Variants in AMZ2 observed in about 807,000 individuals in gnomAD.
AMZ2 encodes the protein archaemetzincin-2.
A neutral mutation model predicts 36.7 loss-of-function variants in AMZ2; 26 were observed. The ratio of observed to expected loss-of-function variants is 0.71; its 90% CI spans 0.52 to 0.98. The LOEUF (loss-of-function observed/expected upper bound fraction) is 0.98, where lower values mean the gene tolerates loss of function less well. Ranked by LOEUF, AMZ2 falls within the 50% of genes least tolerant of loss-of-function variation. The pLI, the probability that AMZ2 is intolerant of heterozygous loss-of-function variation, is 0.00. For missense variants in AMZ2, 394 were observed against 430.5 expected (o/e 0.92, Z 0.75); for synonymous variants, 144 against 149.1 (o/e 0.97, Z 0.25).
rs782437516 is a variant in AMZ2, at chr17:68,248,433, T to G, written c.-273T>G. On this transcript the variant is annotated 5_prime_UTR_variant, in exon 1 of 7. Coordinates refer to ENST00000359904, the MANE Select transcript of AMZ2 (RefSeq NM_016627.5). ...TAGGCAACCAGCCAGGGTGGCCAGC[T>G]CCTTCCCGTTTGCCCGTGATGTTCT... 37 of 986,084 alleles carry G rather than the reference T, an allele frequency of 3.8e-5. No homozygotes were observed. Among genetic ancestry groups the G allele is most frequent in the Non-Finnish European group, 4.3e-5 (36 of 830,258 alleles). The allele number at this position is 986,084 out of a possible 1,614,324, so 61.1% of individuals were successfully genotyped here.
intron 1 of AMZ2, among the ~76,000 whole-genome samples, chr17:68,211,790 GTATATATGTGTATA>G (rs2073065660): frequency 1.5e-5 from 1 of 68,758 alleles, no homozygotes; most frequent in Non-Finnish European, 2.8e-5. Flanking sequence ...ATATGTATAT[GTATATATGTGTATA>G]TGTATATATG....
intron 1 of AMZ2, among the ~76,000 whole-genome samples, chr17:68,227,643 C>T (rs1159207136): frequency 6.6e-6 from 1 of 152,174 alleles, no homozygotes; most frequent in Non-Finnish European, 1.5e-5. Flanking sequence ...AAATCTCTCT[C>T]TGCTCCATCT....
intron 4 of AMZ2, among the ~76,000 whole-genome samples, chr17:68,253,893 C>T (rs1170034838): frequency 1.3e-5 from 2 of 152,032 alleles, no homozygotes; most frequent in Non-Finnish European, 2.9e-5. Context: ...GCTGGGATTA[C>T]AGGCACCTAC....
In AMZ2 at chr17:68,235,888, G is replaced by A. The variant is rs1450317972; in HGVS notation, c.-66-12752G>A. Among the ~76,000 whole-genome samples the A allele has an allele frequency of 6.6e-6, 1 of 151,832 alleles. No homozygotes were observed. The highest frequency in any genetic ancestry group is 6.6e-5 in the Admixed American group (1 of 15,236). Reference sequence around the variant, plus strand: ...TTGGTCCACCAGGCTGGAATGCAGTGGCACAATCTTGGCTCACTGCAACCT... The same window carrying A: ...TTGGTCCACCAGGCTGGAATGCAGTAGCACAATCTTGGCTCACTGCAACCT... On this transcript the variant is annotated intron_variant, in intron 1 of 7. Transcript: ENST00000674770. This position sits in a 1 kb window ranked among gnomAD's most constrained non-coding sequence, Gnocchi z 4.2.
chr17:68,228,297 A>T (rs1481536206), intron 1 of AMZ2, among the ~76,000 whole-genome samples: 3 of 152,118 alleles, frequency 2.0e-5, no homozygotes, highest in African/African-American at 7.2e-5. Context: ...TCACAGTCTG[A>T]CCAAAAGGGA....
At chr17:68,237,997 A>G (rs1287330667) in intron 1 of AMZ2, among the ~76,000 whole-genome samples, 1 of 152,046 alleles carries the variant, frequency 6.6e-6, no homozygotes, top group Non-Finnish European at 1.5e-5. Flanking sequence ...CCTCTTTCAT[A>G]TTTGTCTTAT....
chr17:68,242,449 T>C (rs2073920958), intron 1 of AMZ2, among the ~76,000 whole-genome samples: 1 of 152,180 alleles, frequency 6.6e-6, no homozygotes, highest in South Asian at 2.1e-4. Flanking sequence ...CACTTTTTTT[T>C]TGACACAGAG....
chr17:68,220,397 C>T (rs2073316521), intron 1 of AMZ2, among the ~76,000 whole-genome samples: 1 of 152,074 alleles, frequency 6.6e-6, no homozygotes, highest in African/African-American at 2.4e-5. Context: ...GTCTTCCAGT[C>T]TGACTTCTAG....
chr17:68,208,797 A>G (rs1555725030), intron 1 of AMZ2, among the ~76,000 whole-genome samples: 1 of 151,860 alleles, frequency 6.6e-6, no homozygotes. Flanking sequence ...ACAACTCCAG[A>G]CACGTCGCCT....
intron 1 of AMZ2, among the ~76,000 whole-genome samples, chr17:68,213,175 A>T (rs545357829): frequency 6.6e-6 from 1 of 152,342 alleles, no homozygotes; most frequent in Non-Finnish European, 1.5e-5. Flanking sequence ...GAAAAAAATG[A>T]TTGCGGCTGC....
At chr17:68,209,577 T>G (rs1172995157) in intron 1 of AMZ2, among the ~76,000 whole-genome samples, 1 of 116,816 alleles carries the variant, frequency 8.6e-6, no homozygotes, top group African/African-American at 3.5e-5. Flanking sequence ...AGAAAATAAT[T>G]GTGGGTGTGT....
intron 1 of AMZ2, among the ~76,000 whole-genome samples, chr17:68,233,501 T>C (rs2073713734): frequency 7.4e-6 from 1 of 134,898 alleles, no homozygotes; most frequent in Non-Finnish European, 1.6e-5. Flanking sequence ...AGAGCGAAAC[T>C]ATGTCTCAAA....
At chr17:68,246,232 G>C (rs1375727828), upstream of AMZ2, among the ~76,000 whole-genome samples, 3 of 148,696 alleles carry the variant, frequency 2.0e-5, no homozygotes, top group Non-Finnish European at 4.5e-5. Context: ...GCCGGGCGTG[G>C]TGGTGTGTGC....
At chr17:68,220,716 C>A (rs8076389) in intron 1 of AMZ2, among the ~76,000 whole-genome samples, 19,128 of 151,584 alleles carry the variant, frequency 0.13, 1,481 homozygotes, top group East Asian at 0.29. Flanking sequence ...ATGCTCCAAC[C>A]CTTCAGAGAA....
chr17:68,247,336 CAAAAAAAAA>C (rs71142158), upstream of AMZ2: 7 of 78,196 alleles, frequency 9.0e-5, no homozygotes, highest in East Asian at 3.6e-4. Context: ...ACTCCGTCTC[CAAAAAAAAA>C]AAAAAAAAAA....
chr17:68,244,326 G>C (rs2073959339), upstream of AMZ2, among the ~76,000 whole-genome samples: 1 of 152,150 alleles, frequency 6.6e-6, no homozygotes, highest in Non-Finnish European at 1.5e-5. Context: ...TTGCTCTGTT[G>C]CCCAGGCTGG....
chr17:68,244,821 A>G (rs2073968533), upstream of AMZ2, among the ~76,000 whole-genome samples: 1 of 152,146 alleles, frequency 6.6e-6, no homozygotes, highest in Admixed American at 6.5e-5. Flanking sequence ...AAAAATTATT[A>G]GTGTTTTTTA....
intron 1 of AMZ2, among the ~76,000 whole-genome samples, chr17:68,210,944 G>T: frequency 1.9e-5 from 2 of 105,066 alleles, no homozygotes; most frequent in African/African-American, 3.9e-5. Context: ...GTGAGACCCT[G>T]TCTCAAAAAA....
chr17:68,239,470 T>C (rs1271482151), intron 1 of AMZ2, among the ~76,000 whole-genome samples: 3 of 152,220 alleles, frequency 2.0e-5, no homozygotes, highest in South Asian at 4.1e-4. Flanking sequence ...AGGTGAATCA[T>C]GGAGAACCTC....
Sources: allele counts gnomAD v4.1 joint callset (sites outside exome capture counted in the v4.1 genomes callset), GRCh38; gene constraint gnomAD v4.1.1; non-coding constraint Gnocchi (gnomAD v3.1); transcripts MANE v1.5; gene names NCBI Gene and HGNC (gene_info 2026-07-23, HGNC 2026-07-21).